The following DDX10 variants were observed in gnomAD, a reference collection of about 807,000 sequenced individuals.
The protein encoded by DDX10 is probable ATP-dependent RNA helicase DDX10.
In DDX10, 74 loss-of-function variants were observed where a neutral mutation model predicts 104.3. The observed-to-expected ratio is 0.71, with a 90% CI of 0.59 to 0.86. The LOEUF is 0.86. DDX10 is among the 40% of genes least tolerant of loss of function. The pLI is 0.00. For missense variants in DDX10, 952 were observed against 1,040.0 expected (o/e 0.92, Z 1.16); for synonymous variants, 351 against 353.4 (o/e 0.99, Z 0.08).
At chr11:108,810,263 C>T (rs1253274573) in intron 13 of DDX10, among the ~76,000 whole-genome samples, 1 of 152,226 alleles carries the variant, frequency 6.6e-6, no homozygotes, top group East Asian at 1.9e-4. Context: ...GTGGAACTTG[C>T]AAATTGTGTT....
chr11:108,759,177 C>T (rs1565269728), intron 13 of DDX10, among the ~76,000 whole-genome samples: 1 of 151,846 alleles, frequency 6.6e-6, no homozygotes, highest in Non-Finnish European at 1.5e-5. Context: ...AATAATTAAC[C>T]CATTTATCTC....
chr11:108,735,629 A>G (rs1405151234), intron 13 of DDX10, among the ~76,000 whole-genome samples: 3 of 152,124 alleles, frequency 2.0e-5, no homozygotes, highest in Non-Finnish European at 4.4e-5. Flanking sequence ...AAACTTGAAA[A>G]TAGTAAGAAA....
At chr11:108,795,147 T>C (rs1468473070) in intron 13 of DDX10, among the ~76,000 whole-genome samples, 1 of 152,052 alleles carries the variant, frequency 6.6e-6, no homozygotes, top group Non-Finnish European at 1.5e-5. Flanking sequence ...TCTTTTTTTA[T>C]AATGTCTTTT....
chr11:108,788,361 AT>A (rs889662954), intron 13 of DDX10, among the ~76,000 whole-genome samples: 87 of 146,948 alleles, frequency 5.9e-4, no homozygotes, highest in African/African-American at 1.4e-3. Flanking sequence ...TTGTAGCTAG[AT>A]TTTTTTTTTT....
intron 16 of DDX10, among the ~76,000 whole-genome samples, chr11:108,916,526 G>A (rs1863752971): frequency 6.6e-6 from 1 of 152,180 alleles, no homozygotes; most frequent in Non-Finnish European, 1.5e-5. Flanking sequence ...TAGCATAATA[G>A]TGCTAGCACA....
chr11:108,839,985 C>T (rs1268856980), intron 14 of DDX10, among the ~76,000 whole-genome samples: 1 of 152,142 alleles, frequency 6.6e-6, no homozygotes, highest in Non-Finnish European at 1.5e-5. Flanking sequence ...GTACTTAGTG[C>T]TAATAGGAAA....
chr11:108,915,885 A>G (rs1204835854), intron 16 of DDX10, among the ~76,000 whole-genome samples: 1 of 151,610 alleles, frequency 6.6e-6, no homozygotes, highest in African/African-American at 2.4e-5. Flanking sequence ...GAATGAATGC[A>G]GAGCGGATTT....
At chr11:108,845,022 C>T (rs1037509521) in intron 15 of DDX10, among the ~76,000 whole-genome samples, 14 of 152,004 alleles carry the variant, frequency 9.2e-5, no homozygotes, top group Admixed American at 7.9e-4. Flanking sequence ...CAGTGAAACC[C>T]CATCTCTACT....
intron 13 of DDX10, among the ~76,000 whole-genome samples, chr11:108,768,800 C>G (rs1361217777): frequency 6.6e-6 from 1 of 152,020 alleles, no homozygotes; most frequent in African/African-American, 2.4e-5. Context: ...TATCCTATTT[C>G]CTCGTCTTTT....
At chr11:108,768,140 C>T (rs1243254962) in intron 13 of DDX10, 1 of 152,118 alleles carries the variant, frequency 6.6e-6, no homozygotes, top group East Asian at 1.9e-4. Context: ...ATAAGACTTC[C>T]AGTCAACAGT....
chr11:108,898,675 A>C (rs1863472709), intron 16 of DDX10, among the ~76,000 whole-genome samples: 1 of 152,092 alleles, frequency 6.6e-6, no homozygotes, highest in Non-Finnish European at 1.5e-5. Flanking sequence ...AAAAAAAAAA[A>C]ACAAGCGAGA....
chr11:108,800,275 C>CAAAAAAAAAAA (rs5794604), intron 13 of DDX10, among the ~76,000 whole-genome samples: 1 of 106,236 alleles, frequency 9.4e-6, no homozygotes, highest in African/African-American at 3.7e-5. Flanking sequence ...ACTAAAAATA[C>CAAAAAAAAAAA]AAAAAAAAAA....
intron 13 of DDX10, among the ~76,000 whole-genome samples, chr11:108,830,640 A>G (rs1402703485): frequency 6.6e-6 from 1 of 151,710 alleles, no homozygotes; most frequent in African/African-American, 2.4e-5. Flanking sequence ...TCAGGGGGGG[A>G]ATGCTTTCAA....
At chr11:108,679,848 G>T (rs117718321) in intron 6 of DDX10, among the ~76,000 whole-genome samples, 5 of 152,144 alleles carry the variant, frequency 3.3e-5, no homozygotes, top group Non-Finnish European at 7.3e-5. Flanking sequence ...CTTAATAAAC[G>T]AAGGGAGAAG....
rs2094358497 is a variant in DDX10, at chr11:108,768,186, G to T, written c.1965+44724G>T. 1.3e-5 allele frequency among the ~76,000 whole-genome samples: 2 copies of T among 152,168 alleles called. 1 individual carries two copies. The highest frequency in any genetic ancestry group is 4.1e-4 in the South Asian group (2 of 4,826). On this transcript the variant is annotated intron_variant, in intron 13 of 17. Transcript: ENST00000322536. ...TGGTTAAGTTTTTGGAGAGTCAAAA[G>T]TTACATGTGGATTTTTGACTGCCTG...
At chr11:108,897,988 C>T (rs1345021031) in intron 16 of DDX10, among the ~76,000 whole-genome samples, 3 of 152,000 alleles carry the variant, frequency 2.0e-5, no homozygotes, top group African/African-American at 7.2e-5. Context: ...AAAGCTGTTC[C>T]TAGAGAGGGT....
At chr11:108,707,873 G>T (rs1192119862) in intron 10 of DDX10, among the ~76,000 whole-genome samples, 2 of 152,128 alleles carry the variant, frequency 1.3e-5, no homozygotes, top group African/African-American at 2.4e-5. Flanking sequence ...TTGGATTAAC[G>T]TTCAGCTTTC....
chr11:108,861,989 C>T (rs1391100201), intron 16 of DDX10, among the ~76,000 whole-genome samples: 14 of 151,928 alleles, frequency 9.2e-5, no homozygotes, highest in African/African-American at 1.9e-4. Flanking sequence ...ATTGCACCAC[C>T]GCACTCCAGC....
intron 17 of DDX10, chr11:108,929,743 C>T (rs946619267): frequency 6.6e-6 from 1 of 152,100 alleles, no homozygotes; most frequent in African/African-American, 2.4e-5. Flanking sequence ...GCATGTAGTT[C>T]TTTGGGGATA....
Sources: gnomAD v4.1 joint callset for allele counts (sites outside exome capture counted in the v4.1 genomes callset) on GRCh38, gnomAD v4.1.1 for gene constraint, MANE v1.5 for transcripts, NCBI Gene and HGNC (gene_info 2026-07-23, HGNC 2026-07-21) for gene names.